LRRK2: variants seen among roughly 807,000 people sequenced by gnomAD.
The protein encoded by LRRK2 is leucine-rich repeat serine/threonine-protein kinase 2.
Under a neutral mutation model 302.6 loss-of-function variants are expected in LRRK2, and 203 were observed. The observed-to-expected ratio is 0.67, with a 90% CI of 0.60 to 0.75. LRRK2 has a LOEUF of 0.75. LRRK2 is among the 30% of genes least tolerant of loss of function. LRRK2 has a pLI of 0.00. For synonymous variants in LRRK2, 1,066 were observed against 1,031.9 expected (o/e 1.03, Z -0.63); for missense variants, 2,830 against 2,951.0 (o/e 0.96, Z 0.95).
chr12:40,310,460 C>T lies in LRRK2; in HGVS notation c.4347C>T (p.Leu1449=), dbSNP rs61915566. 4.3e-6 allele frequency: 7 copies of T among 1,613,124 alleles called. No homozygotes were observed. The highest frequency in any genetic ancestry group is 5.9e-6 in the Non-Finnish European group (7 of 1,179,736). Residue 1449 remains leucine (L), a synonymous_variant, in exon 31 of 51, where the codon CTC becomes CTT. Coordinates refer to ENST00000298910, the MANE Select transcript of LRRK2 (RefSeq NM_198578.4). The part of the protein sequence containing the change: ...KARASSSPVI[L]VGTHLDVSDE... ...GCGCTTCTTCTTCCCCTGTGATTCT[C>T]GTTGGCACACATTTGGATGTTTCTG...
chr12:40,247,677 T>C (rs1165906577), intron 7 of LRRK2, among the ~76,000 whole-genome samples: 14 of 53,552 alleles, frequency 2.6e-4, no homozygotes, highest in Admixed American at 5.0e-4. Flanking sequence ...TATAAATATA[T>C]ACATTTATAT....
chr12:40,328,715 A>G (rs947669749), intron 39 of LRRK2, among the ~76,000 whole-genome samples: 7 of 152,208 alleles, frequency 4.6e-5, no homozygotes, highest in African/African-American at 1.7e-4. Flanking sequence ...TGTAAGACTC[A>G]CTTACACTCC....
chr12:40,285,810 CA>C (rs201144937), intron 19 of LRRK2, among the ~76,000 whole-genome samples: 21 of 150,514 alleles, frequency 1.4e-4, no homozygotes, highest in Admixed American at 2.6e-4. Context: ...TACTCCGTGG[CA>C]AAAAAAAGGG....
chr12:40,231,273 C>A (rs941321458), intron 2 of LRRK2, among the ~76,000 whole-genome samples: 1 of 151,408 alleles, frequency 6.6e-6, no homozygotes, highest in African/African-American at 2.4e-5. Flanking sequence ...CTACTAAGGG[C>A]CAGGTGCAGA....
intron 39 of LRRK2, 24 bp downstream of exon 39, chr12:40,328,484 A>G (rs781265351): frequency 1.1e-5 from 16 of 1,508,254 alleles, no homozygotes; most frequent in African/African-American, 1.4e-5. Flanking sequence ...TAATATAATT[A>G]TATTAAATTG....
intron 18 of LRRK2, among the ~76,000 whole-genome samples, chr12:40,278,580 A>G (rs935188676): frequency 6.6e-6 from 1 of 152,158 alleles, no homozygotes; most frequent in African/African-American, 2.4e-5. Flanking sequence ...CATAGTTCTA[A>G]TGTTTTGATA....
At chr12:40,279,817 A>C (rs1489955814) in intron 18 of LRRK2, among the ~76,000 whole-genome samples, 1 of 152,228 alleles carries the variant, frequency 6.6e-6, no homozygotes, top group African/African-American at 2.4e-5. Context: ...TATTAGGTTT[A>C]AAGAATTTAT....
intron 7 of LRRK2, 25 bp downstream of exon 7, chr12:40,243,706 T>G: frequency 6.2e-7 from 1 of 1,605,310 alleles, no homozygotes; most frequent in East Asian, 2.2e-5. Context: ...TAATATGTCA[T>G]CACACACTGT....
At chr12:40,244,746 G>C (rs2136448440) in intron 7 of LRRK2, among the ~76,000 whole-genome samples, 1 of 112,786 alleles carries the variant, frequency 8.9e-6, no homozygotes, top group Non-Finnish European at 1.8e-5. Flanking sequence ...GGTGGGGGGA[G>C]GGGGGAGGGA....
At chr12:40,361,053 G>A (rs1946689265) in intron 47 of LRRK2, among the ~76,000 whole-genome samples, 1 of 152,032 alleles carries the variant, frequency 6.6e-6, no homozygotes, top group African/African-American at 2.4e-5. Context: ...AAACCACTAG[G>A]TAGCTGAAAA....
chr12:40,232,126 C>A, intron 2 of LRRK2, 148 bp from the exon 3 acceptor site: 1 of 676,778 alleles, frequency 1.5e-6, no homozygotes, highest in South Asian at 1.7e-5. Context: ...TCTGGGTAAG[C>A]ATTTTAGGGT....
At chr12:40,283,770 C>A in intron 18 of LRRK2, 105 bp from the exon 19 acceptor site, 1 of 969,844 alleles carries the variant, frequency 1.0e-6, no homozygotes, top group Non-Finnish European at 1.5e-6. Flanking sequence ...TGTTTCATTC[C>A]AAATTGGAGA....
intron 33 of LRRK2, among the ~76,000 whole-genome samples, chr12:40,318,360 CTT>C (rs1945290924): frequency 6.6e-6 from 1 of 152,012 alleles, no homozygotes; most frequent in African/African-American, 2.4e-5. Context: ...AGCACAAACT[CTT>C]TAAAAAATAA....
intron 32 of LRRK2, 47 bp from the exon 33 acceptor site, chr12:40,315,165 T>A (rs200138543): frequency 7.5e-6 from 11 of 1,476,210 alleles, no homozygotes; most frequent in Middle Eastern, 1.7e-4. Flanking sequence ...CCCCTTGATA[T>A]TTGTTCTAGA....
chr12:40,257,500 G>A, intron 12 of LRRK2, 123 bp downstream of exon 12: 1 of 1,183,656 alleles, frequency 8.4e-7, no homozygotes, highest in Admixed American at 1.9e-5. Context: ...GAAAACTGAA[G>A]CATTTTGCAA....
chr12:40,355,359 C>G (rs1002335305), intron 45 of LRRK2, among the ~76,000 whole-genome samples: 3 of 152,046 alleles, frequency 2.0e-5, no homozygotes, highest in Non-Finnish European at 4.4e-5. Context: ...CAGGGGTGAG[C>G]TAATGGAAAC....
In LRRK2 at chr12:40,364,909, C is replaced by T. The variant is rs1215673901; in HGVS notation, c.7249C>T (p.Leu2417Phe). 6.2e-7 allele frequency: 1 copy of T among 1,612,414 alleles called. No individual in the cohort carries two copies. The highest frequency in any genetic ancestry group is 1.1e-5 in the South Asian group (1 of 91,052). The change falls in exon 49 of 51, where the codon CTC becomes TTC. Residue 2417 changes from leucine (L) to phenylalanine (F), a missense_variant. Around this residue, in one of 3 missense-constraint regions of LRRK2, gnomAD observed 456 missense variants for 456.3 expected, o/e 1.00. Transcript: ENST00000298910. ...GTCTTATTCTGGGAGAGTGAAAACC[C>T]TCTGCCTTCAGAAGAACACTGCTCT... Reference protein sequence around the residue: ...KMSYSGRVKTLCLQKNTALWI... With the variant: ...KMSYSGRVKTFCLQKNTALWI...
intron 47 of LRRK2, among the ~76,000 whole-genome samples, chr12:40,360,762 A>T (rs942628646): frequency 6.6e-6 from 1 of 152,028 alleles, no homozygotes; most frequent in Non-Finnish European, 1.5e-5. Context: ...GCTTTTTGCC[A>T]TCTGTGCTTT....
intron 20 of LRRK2, 67 bp downstream of exon 20, chr12:40,287,606 A>C: frequency 6.6e-7 from 1 of 1,507,858 alleles, no homozygotes. Flanking sequence ...AATAGGACCC[A>C]AGACAAAAAC....
Sources: gnomAD v4.1 joint callset for allele counts (sites outside exome capture counted in the v4.1 genomes callset) on GRCh38, gnomAD v4.1.1 for gene constraint, gnomAD v4.1.1 regional missense constraint, MANE v1.5 for transcripts, NCBI Gene and HGNC (gene_info 2026-07-23, HGNC 2026-07-21) for gene names.